Variants in ASTN2 observed in about 807,000 individuals in gnomAD.
ASTN2 encodes the protein astrotactin-2.
Under a neutral mutation model 139.8 loss-of-function variants are expected in ASTN2, and 54 were observed. That is an observed-to-expected ratio of 0.39 (90% CI 0.31 to 0.48). ASTN2 has a LOEUF of 0.48. ASTN2 is among the 20% of genes least tolerant of loss of function. The probability of loss-of-function intolerance (pLI) is 0.95; values close to 1 mark genes in which losing one functional copy is unlikely to be tolerated. For synonymous variants in ASTN2, 756 were observed against 719.5 expected (o/e 1.05, Z -0.81); for missense variants, 1,565 against 1,725.1 (o/e 0.91, Z 1.64).
At chr9:116,718,723 G>C (rs1237197423) in intron 16 of ASTN2, among the ~76,000 whole-genome samples, 1 of 151,688 alleles carries the variant, frequency 6.6e-6, no homozygotes, top group Non-Finnish European at 1.5e-5. Flanking sequence ...CCTGCCTCTG[G>C]ACTCCAATGG....
intron 1 of ASTN2, among the ~76,000 whole-genome samples, chr9:117,303,087 C>T (rs1403016326): frequency 6.6e-6 from 1 of 152,162 alleles, no homozygotes; most frequent in Non-Finnish European, 1.5e-5. Flanking sequence ...CTCTCCTGAG[C>T]CCTCAACTCC....
At chr9:116,805,975 TAG>T (rs1420971401) in intron 12 of ASTN2, among the ~76,000 whole-genome samples, 155 bp from the exon 13 acceptor site, 1 of 152,188 alleles carries the variant, frequency 6.6e-6, no homozygotes, top group Non-Finnish European at 1.5e-5. Flanking sequence ...CACAGATGTC[TAG>T]AGAGAAGCAC....
intron 5 of ASTN2, among the ~76,000 whole-genome samples, chr9:117,083,579 C>T (rs960351991): frequency 1.4e-4 from 21 of 152,082 alleles, no homozygotes; most frequent in Admixed American, 3.3e-4. Context: ...GAACACTGGC[C>T]GTCTCACAGC....
At chr9:116,774,103 T>G (rs979682797) in intron 13 of ASTN2, among the ~76,000 whole-genome samples, 1 of 152,218 alleles carries the variant, frequency 6.6e-6, no homozygotes, top group African/African-American at 2.4e-5. Context: ...TACATGAAAC[T>G]GACATTGCAT....
rs1483392502 is a variant in ASTN2, at chr9:117,041,897, A to C, written c.1277-1932T>G. Among the ~76,000 whole-genome samples, 4 of 152,204 alleles carry C rather than the reference A, an allele frequency of 2.6e-5. No individual in the cohort carries two copies. In the East Asian group the frequency reaches 7.7e-4, roughly 29 times the overall value. On this transcript the variant is annotated intron_variant, in intron 5 of 22. Transcript: ENST00000313400. The stretch of plus-strand genomic sequence containing the variant: ...GAGACTCACCATATATAAAGATTTC[A>C]TATGCTCTTGGTAGATAAACTACCC...
chr9:117,055,321 A>G (rs1482137720), intron 5 of ASTN2, among the ~76,000 whole-genome samples: 1 of 152,244 alleles, frequency 6.6e-6, no homozygotes. Flanking sequence ...AGGTATATCA[A>G]GATCTGAAGA....
intron 19 of ASTN2, among the ~76,000 whole-genome samples, chr9:116,570,386 T>G (rs1021275202): frequency 7.0e-6 from 1 of 143,754 alleles, no homozygotes; most frequent in East Asian, 1.9e-4. Context: ...ACATGAGGGC[T>G]TTTAGTCTCT....
At chr9:117,104,951 A>T (rs7040847) in intron 4 of ASTN2, among the ~76,000 whole-genome samples, 1 of 152,044 alleles carries the variant, frequency 6.6e-6, no homozygotes, top group Non-Finnish European at 1.5e-5. Flanking sequence ...TTTGGCTTAA[A>T]TAACTACTTA....
Position 116,976,723 on chromosome 9 carries a change from T to G in ASTN2, c.1654A>C (p.Ser552Arg), listed in dbSNP as rs551114622. The G allele has an allele frequency of 6.2e-7, 1 of 1,614,112 alleles. No individual in the cohort carries two copies. The change falls in exon 8 of 23, where the codon AGT (serine) becomes CGT (arginine). Residue 552 changes from serine to arginine, a missense_variant. Physicochemically the swap from Ser to Arg is moderately radical, Grantham distance 110. Transcript: ENST00000313400. ...DPVHRHLCVR[S>R]DWGQSEGPWP... is the part of the protein sequence containing the mutation. ...CACCCTTCACTCTGTCCCCAGTCAC[T>G]GCGCACACACAGGTGTCTGTGAACA... is the stretch of plus-strand genomic sequence containing the variant.
intron 10 of ASTN2, among the ~76,000 whole-genome samples, chr9:116,900,717 C>A (rs1833987248): frequency 6.6e-6 from 1 of 152,088 alleles, no homozygotes; most frequent in South Asian, 2.1e-4. Flanking sequence ...TAAGCCATCA[C>A]CTCACCTGCT....
At chr9:116,481,668 G>A (rs1156238820) in intron 20 of ASTN2, among the ~76,000 whole-genome samples, 2 of 152,042 alleles carry the variant, frequency 1.3e-5, no homozygotes, top group East Asian at 3.9e-4. Flanking sequence ...ATTTGGGGGA[G>A]GTATGACAAA....
At chr9:116,666,894 G>T (rs1858893297) in intron 16 of ASTN2, among the ~76,000 whole-genome samples, 1 of 146,908 alleles carries the variant, frequency 6.8e-6, no homozygotes, top group Non-Finnish European at 1.5e-5. Context: ...TAGATTAAAA[G>T]AACACCATAT....
chr9:116,665,077 C>T (rs1392443376), intron 16 of ASTN2, among the ~76,000 whole-genome samples: 2 of 152,164 alleles, frequency 1.3e-5, no homozygotes, highest in Non-Finnish European at 2.9e-5. Context: ...CCATGTGATA[C>T]ACCTACTCTT....
chr9:116,660,168 G>GCGCGCA (rs139281552), intron 16 of ASTN2, among the ~76,000 whole-genome samples: 2 of 146,576 alleles, frequency 1.4e-5, no homozygotes, highest in African/African-American at 5.0e-5. Context: ...TATTGCAAGC[G>GCGCGCA]CACACACACA....
intron 1 of ASTN2, among the ~76,000 whole-genome samples, chr9:117,298,095 A>G (rs2416594): frequency 0.42 from 63,422 of 152,046 alleles, 14,350 homozygotes; most frequent in South Asian, 0.61. Flanking sequence ...AACTGACCAT[A>G]TAATTCCATT....
intron 20 of ASTN2, among the ~76,000 whole-genome samples, chr9:116,453,183 T>C (rs1848223293): frequency 6.6e-6 from 1 of 152,206 alleles, no homozygotes; most frequent in South Asian, 2.1e-4. Flanking sequence ...GCTTGGGGTC[T>C]AAAAGACTGA....
At chr9:117,182,326 G>GACACACACAC (rs35259944) in intron 3 of ASTN2, among the ~76,000 whole-genome samples, 2 of 149,184 alleles carry the variant, frequency 1.3e-5, no homozygotes, top group Non-Finnish European at 3.0e-5. Flanking sequence ...CACAGACACA[G>GACACACACAC]ACACACACAC....
chr9:116,968,571 T>G (rs1359653990), intron 10 of ASTN2, among the ~76,000 whole-genome samples: 1 of 152,216 alleles, frequency 6.6e-6, no homozygotes, highest in South Asian at 2.1e-4. Flanking sequence ...CTGCCATGCA[T>G]CCCTTGGCAC....
chr9:116,669,144 T>G (rs1859039878), intron 16 of ASTN2, among the ~76,000 whole-genome samples: 1 of 152,168 alleles, frequency 6.6e-6, no homozygotes, highest in African/African-American at 2.4e-5. Context: ...ACCATTGCCA[T>G]GGCAACACCT....
Sources: allele counts gnomAD v4.1 joint callset (sites outside exome capture counted in the v4.1 genomes callset), GRCh38; gene constraint gnomAD v4.1.1; transcripts MANE v1.5; gene names NCBI Gene and HGNC (gene_info 2026-07-23, HGNC 2026-07-21).